CAPN7: variants seen among roughly 807,000 people sequenced by gnomAD.
CAPN7 encodes the protein calpain 7.
In CAPN7, 72 loss-of-function variants were observed where a neutral mutation model predicts 115.2. The ratio of observed to expected loss-of-function variants is 0.63; its 90% CI spans 0.52 to 0.76. CAPN7 has a LOEUF of 0.76. Ranked by LOEUF, CAPN7 falls within the 30% of genes least tolerant of loss-of-function variation. The probability of loss-of-function intolerance (pLI) is 0.00; values close to 1 mark genes in which losing one functional copy is unlikely to be tolerated. For synonymous variants in CAPN7, 344 were observed against 322.3 expected (o/e 1.07, Z -0.72); for missense variants, 905 against 971.5 (o/e 0.93, Z 0.91).
chr3:15,216,177 T>G (rs971096308), intron 2 of CAPN7, among the ~76,000 whole-genome samples: 1 of 152,248 alleles, frequency 6.6e-6, no homozygotes, highest in African/African-American at 2.4e-5. Flanking sequence ...TGCTGTGTCA[T>G]AGGATGTAGC....
intron 1 of CAPN7, among the ~76,000 whole-genome samples, chr3:15,208,131 A>G (rs2044733177): frequency 6.6e-6 from 1 of 151,528 alleles, no homozygotes; most frequent in Non-Finnish European, 1.5e-5. Context: ...CCACTATCAT[A>G]TATTCAGTCT....
chr3:15,234,732 C>G (rs1472121612), intron 11 of CAPN7, among the ~76,000 whole-genome samples: 2 of 152,032 alleles, frequency 1.3e-5, no homozygotes, highest in South Asian at 4.1e-4. Context: ...TTGGGAAATG[C>G]CTGTGGTATT....
intron 6 of CAPN7, 134 bp downstream of exon 6, chr3:15,223,695 G>T: frequency 3.3e-6 from 2 of 614,310 alleles, no homozygotes; most frequent in Non-Finnish European, 2.9e-6. Flanking sequence ...TGTGGGAAAG[G>T]GATAGGGCAA....
chr3:15,252,374 A>C lies in CAPN7; in HGVS notation c.*1114A>C, dbSNP rs964790671. 1 of 152,618 alleles carries C rather than the reference A, an allele frequency of 6.6e-6. No homozygotes were observed. Among genetic ancestry groups the C allele is most frequent in the African/African-American group, 2.4e-5 (1 of 41,442 alleles). The allele number at this position is 152,618 out of a possible 1,614,324, so 9.5% of individuals were successfully genotyped here. Reference sequence around the variant, plus strand: ...TGTTTCATGTAAATGAGAACAGATTATTTGCATGAAAATATATACTTCAAC... The same window carrying C: ...TGTTTCATGTAAATGAGAACAGATTCTTTGCATGAAAATATATACTTCAAC... On this transcript the variant is annotated 3_prime_UTR_variant, in exon 21 of 21. Coordinates refer to ENST00000253693, the MANE Select transcript of CAPN7 (RefSeq NM_014296.3).
At chr3:15,248,435 A>G (rs370685509) in intron 19 of CAPN7, among the ~76,000 whole-genome samples, 1 of 152,230 alleles carries the variant, frequency 6.6e-6, no homozygotes, top group East Asian at 1.9e-4. Flanking sequence ...TGTGAAGTCA[A>G]GAACAGACAA....
chr3:15,246,815 G>A (rs1264499952), intron 18 of CAPN7, 21 bp downstream of exon 18: 5 of 1,529,980 alleles, frequency 3.3e-6, no homozygotes, highest in Non-Finnish European at 4.5e-6. Flanking sequence ...TCATTTGGTT[G>A]TAATCTCAGC....
At chr3:15,220,620 G>T (rs1214148258) in intron 4 of CAPN7, among the ~76,000 whole-genome samples, 161 bp from the exon 5 acceptor site, 1 of 152,198 alleles carries the variant, frequency 6.6e-6, no homozygotes, top group Non-Finnish European at 1.5e-5. Context: ...CTTATCTTTG[G>T]AAGTAGCTGA....
chr3:15,240,739 GAT>G lies in CAPN7; in HGVS notation c.1553-12_1553-11del. 1 of 1,585,454 alleles carries G rather than the reference GAT, an allele frequency of 6.3e-7. No individual in the cohort carries two copies. The stretch of plus-strand genomic sequence containing the variant: ...ATTAAGATTTTTTTAGATTAACAAA[GAT>G]ATTAATTTTCAGGAATATTTTGGAT... On this transcript the variant is annotated splice_polypyrimidine_tract_variant and intron_variant, in intron 13 of 20. Coordinates refer to ENST00000253693, the MANE Select transcript of CAPN7 (RefSeq NM_014296.3).
At position 15,217,544 on chromosome 3, in the gene CAPN7, G is replaced by C. The variant is rs775941609; in HGVS notation, c.331G>C (p.Glu111Gln). The C allele has an allele frequency of 5.6e-6, 9 of 1,613,756 alleles. No homozygotes were observed. In the South Asian group the frequency reaches 8.8e-5, roughly 16 times the overall value. Residue 111 changes from glutamate to glutamine, a missense_variant, in exon 3 of 21, where the codon GAA becomes CAA. Glu to Gln is a conservative substitution (Grantham distance 29, BLOSUM62 2). Around this residue, in one of 3 missense-constraint regions of CAPN7, gnomAD observed 271 missense variants for 239.6 expected, o/e 1.13. Coordinates refer to ENST00000253693, the MANE Select transcript of CAPN7 (RefSeq NM_014296.3). ...AAAAGAGAATGTTGAAGATGCTATAGAATTGTACACAGAAGCTGTGGATCT... is the reference window on the plus strand; with the variant it reads ...AAAAGAGAATGTTGAAGATGCTATACAATTGTACACAGAAGCTGTGGATCT... ...DEKENVEDAI[E>Q]LYTEAVDLCL...
intron 2 of CAPN7, among the ~76,000 whole-genome samples, chr3:15,212,679 A>T (rs1353416320): frequency 6.6e-6 from 1 of 152,218 alleles, no homozygotes; most frequent in Non-Finnish European, 1.5e-5. Flanking sequence ...TGGGAAAGTG[A>T]CATGTAAACA....
chr3:15,206,671 G>T, intron 1 of CAPN7, 74 bp downstream of exon 1: 1 of 1,123,782 alleles, frequency 8.9e-7, no homozygotes, highest in Non-Finnish European at 1.3e-6. Context: ...CGAGGGGCGG[G>T]ATCCGGGTGC....
intron 1 of CAPN7, among the ~76,000 whole-genome samples, chr3:15,209,253 A>G (rs1575148975): frequency 6.6e-6 from 1 of 152,074 alleles, no homozygotes; most frequent in East Asian, 1.9e-4. Flanking sequence ...CAGGTGATCC[A>G]CCTGCCTCGG....
chr3:15,249,851 G>T (rs750057599), intron 19 of CAPN7, among the ~76,000 whole-genome samples: 1 of 148,670 alleles, frequency 6.7e-6, no homozygotes, highest in Non-Finnish European at 1.5e-5. Context: ...TGCAACCTCC[G>T]CCTCCTGGGT....
chr3:15,223,406 A>C, intron 5 of CAPN7, 69 bp from the exon 6 acceptor site: 1 of 949,570 alleles, frequency 1.1e-6, no homozygotes. Context: ...TTTAAATTTT[A>C]AAGAGTTGAA....
At chr3:15,215,753 T>G (rs549171560) in intron 2 of CAPN7, among the ~76,000 whole-genome samples, 13 of 152,370 alleles carry the variant, frequency 8.5e-5, no homozygotes, top group Admixed American at 3.3e-4. Context: ...TGGAGACATT[T>G]GGGTTGTTTA....
chr3:15,247,563 T>A (rs1431297406), intron 19 of CAPN7, 106 bp downstream of exon 19: 1 of 811,250 alleles, frequency 1.2e-6, no homozygotes, highest in Admixed American at 2.9e-5. Flanking sequence ...ACATTGGATT[T>A]ATAACAATGG....
At chr3:15,241,359 A>C in intron 14 of CAPN7, 94 bp from the exon 15 acceptor site, 1 of 1,322,842 alleles carries the variant, frequency 7.6e-7, no homozygotes, top group Non-Finnish European at 1.0e-6. Context: ...AAAACCAAAA[A>C]CTTGGATAGC....
intron 2 of CAPN7, among the ~76,000 whole-genome samples, chr3:15,216,731 T>C (rs181603502): frequency 1.2e-4 from 18 of 152,328 alleles, no homozygotes; most frequent in African/African-American, 3.8e-4. Flanking sequence ...TTTAGCAATT[T>C]CCAAGTTTTT....
intron 2 of CAPN7, among the ~76,000 whole-genome samples, chr3:15,213,160 C>G (rs983387481): frequency 7.9e-5 from 12 of 152,178 alleles, no homozygotes; most frequent in African/African-American, 2.9e-4. Context: ...TTTCTTTTCC[C>G]AGCCAAGTAA....
Sources: allele counts gnomAD v4.1 joint callset (sites outside exome capture counted in the v4.1 genomes callset), GRCh38; gene constraint gnomAD v4.1.1; regional missense constraint gnomAD v4.1.1; transcripts MANE v1.5; gene names NCBI Gene and HGNC (gene_info 2026-07-23, HGNC 2026-07-21).